Variants in LARP4B observed in about 807,000 individuals in gnomAD.
LARP4B encodes La ribonucleoprotein 4B.
LARP4B carries 12 observed loss-of-function variants against 89.8 expected under a neutral mutation model. That is an observed-to-expected ratio of 0.13 (90% CI 0.09 to 0.22). The LOEUF (loss-of-function observed/expected upper bound fraction) is 0.22. Among genes scored for constraint, LARP4B ranks in the 10% least tolerant of loss-of-function variants. The pLI, the probability that LARP4B is intolerant of heterozygous loss-of-function variation, is 1.00. For missense variants in LARP4B, 757 were observed against 947.7 expected, an observed-to-expected ratio of 0.80 and a Z score of 2.64; for synonymous variants, 367 against 363.3, an observed-to-expected ratio of 1.01 and a Z score of -0.12.
At chr10:926,810 A>G (rs1277017115) in intron 1 of LARP4B, among the ~76,000 whole-genome samples, 1 of 152,182 alleles carries the variant, frequency 6.6e-6, no homozygotes, top group Non-Finnish European at 1.5e-5. Flanking sequence ...GCCAAGGCAG[A>G]TGGGTCACTT....
intron 5 of LARP4B, among the ~76,000 whole-genome samples, chr10:854,108 C>T (rs539290335): frequency 1.9e-4 from 29 of 152,334 alleles, no homozygotes; most frequent in African/African-American, 6.7e-4. Context: ...CCATAAGAAG[C>T]AAGTTTTACA....
chr10:962,086 A>G, the LARP4B span, among the ~76,000 whole-genome samples: 3 of 152,114 alleles, frequency 2.0e-5, no homozygotes, highest in African/African-American at 4.8e-5. Context: ...TGAGGTCGGG[A>G]GTTCGAGACC....
chr10:873,685 G>GA (rs1468304955), intron 3 of LARP4B, among the ~76,000 whole-genome samples: 7 of 151,864 alleles, frequency 4.6e-5, no homozygotes, highest in Admixed American at 4.6e-4. Flanking sequence ...AAAAAGAGAC[G>GA]AAAAAATCAA....
At chr10:826,670 C>T (rs528967185) in intron 11 of LARP4B, among the ~76,000 whole-genome samples, 101 of 152,306 alleles carry the variant, frequency 6.6e-4, no homozygotes, top group African/African-American at 2.3e-3. Context: ...GTTTCCAATA[C>T]GTTCTGCATC....
the LARP4B span, among the ~76,000 whole-genome samples, chr10:965,249 C>T: frequency 6.6e-6 from 1 of 152,248 alleles, no homozygotes; most frequent in East Asian, 1.9e-4. Flanking sequence ...TCGGCGTCTC[C>T]CACGGTGGTG....
At chr10:845,936 T>G (rs551157826) in intron 5 of LARP4B, among the ~76,000 whole-genome samples, 2 of 152,260 alleles carry the variant, frequency 1.3e-5, no homozygotes, top group African/African-American at 4.8e-5. Context: ...AAAGACAAAG[T>G]GGGGCGTTCA....
the LARP4B span, among the ~76,000 whole-genome samples, chr10:956,980 C>G: frequency 9.9e-5 from 15 of 152,150 alleles, no homozygotes; most frequent in African/African-American, 3.4e-4. The surrounding 1 kb of genome is among the most constrained non-coding windows in gnomAD (Gnocchi z 4.3). Flanking sequence ...ACGCGGTGAA[C>G]AGTTTGCTCC....
chr10:850,618 A>G (rs34732191), intron 5 of LARP4B, among the ~76,000 whole-genome samples: 271 of 152,352 alleles, frequency 1.8e-3, no homozygotes, highest in Non-Finnish European at 3.0e-3. Context: ...ACTCAACTTG[A>G]CCTCATTAAC....
intron 3 of LARP4B, chr10:873,174 G>A (rs369528857): frequency 1.4e-5 from 14 of 984,702 alleles, no homozygotes; most frequent in African/African-American, 1.2e-4. Context: ...CACGACAGGC[G>A]TGCTGGTCCC....
chr10:896,848 G>A (rs1836202887), intron 1 of LARP4B, among the ~76,000 whole-genome samples: 4 of 152,108 alleles, frequency 2.6e-5, no homozygotes, highest in Admixed American at 2.6e-4. Flanking sequence ...GTTCATGGAT[G>A]GAAAGACATC....
chr10:862,622 T>C (rs920470658), intron 5 of LARP4B, among the ~76,000 whole-genome samples: 5 of 152,016 alleles, frequency 3.3e-5, no homozygotes, highest in Admixed American at 1.3e-4. Flanking sequence ...TAGCCGGGCG[T>C]GGTGGCAGAC....
chr10:973,393 C>G, the LARP4B span, among the ~76,000 whole-genome samples: 1 of 152,002 alleles, frequency 6.6e-6, no homozygotes, highest in African/African-American at 2.4e-5. Flanking sequence ...GCTCTGTCAC[C>G]CAGGCTGGAG....
intron 11 of LARP4B, among the ~76,000 whole-genome samples, chr10:827,537 G>A (rs1267037780): frequency 6.6e-6 from 1 of 152,150 alleles, no homozygotes; most frequent in Admixed American, 6.5e-5. Context: ...AACAAAGGAC[G>A]CACATGTTTT....
At chr10:870,129 C>T in intron 3 of LARP4B, 1 of 709,484 alleles carries the variant, frequency 1.4e-6, no homozygotes, top group Non-Finnish European at 1.7e-6. Context: ...TGGTGCAGAT[C>T]CTCACTAAAT....
chr10:906,516 CCA>C (rs902745506), intron 1 of LARP4B, among the ~76,000 whole-genome samples: 3 of 152,190 alleles, frequency 2.0e-5, no homozygotes, highest in Non-Finnish European at 2.9e-5. Flanking sequence ...ATGCATGGAT[CCA>C]CAGACAGCGT....
chr10:822,352 G>A lies in LARP4B; in HGVS notation c.1485-1507C>T, dbSNP rs147637113. Among the ~76,000 whole-genome samples the A allele has an allele frequency of 3.8e-4, 58 of 152,330 alleles. No homozygotes were observed. Among genetic ancestry groups the A allele is most frequent in the East Asian group, 1.7e-3 (9 of 5,178 alleles). On this transcript the variant is annotated intron_variant, in intron 13 of 17. Transcript: ENST00000316157. This position sits in a 1 kb window ranked among gnomAD's most constrained non-coding sequence, Gnocchi z 4.6. ...GGGCAGAGGACATCCCGCAGGGCTC[G>A]GCACAGGGCATCCCTCCGCCAAGGG...
chr10:948,685 G>C, the LARP4B span, among the ~76,000 whole-genome samples: 2 of 152,190 alleles, frequency 1.3e-5, no homozygotes, highest in African/African-American at 4.8e-5. Flanking sequence ...CTCCTTCTCA[G>C]CCCTGGTAAG....
At chr10:910,716 G>A (rs1836643937) in intron 1 of LARP4B, among the ~76,000 whole-genome samples, 2 of 152,218 alleles carry the variant, frequency 1.3e-5, no homozygotes, top group African/African-American at 4.8e-5. Flanking sequence ...GCAGAGGTTT[G>A]GGATAAAGGA....
At chr10:833,263 A>C (rs928961077) in intron 8 of LARP4B, among the ~76,000 whole-genome samples, 6 of 144,330 alleles carry the variant, frequency 4.2e-5, no homozygotes, top group African/African-American at 1.0e-4. Flanking sequence ...AAAAAAAAAA[A>C]AAAAAAAAAA....
Sources: gnomAD v4.1 joint callset for allele counts (sites outside exome capture counted in the v4.1 genomes callset) on GRCh38, gnomAD v4.1.1 for gene constraint, Gnocchi (gnomAD v3.1) non-coding constraint, MANE v1.5 for transcripts, NCBI Gene and HGNC (gene_info 2026-07-23, HGNC 2026-07-21) for gene names.